CAPN11: variants seen among roughly 807,000 people sequenced by gnomAD.
CAPN11 encodes calpain-11.
Under a neutral mutation model 105.3 loss-of-function variants are expected in CAPN11, and 108 were observed. The ratio of observed to expected loss-of-function variants is 1.03; its 90% CI spans 0.88 to 1.20. CAPN11 has a LOEUF of 1.20. Among genes scored for constraint, CAPN11 ranks in the 50% most tolerant of loss-of-function variants. The pLI is 0.00. For missense variants in CAPN11, 883 were observed against 924.8 expected (o/e 0.95, Z 0.59); for synonymous variants, 329 against 344.5 (o/e 0.96, Z 0.50).
chr6:44,168,252 G>A (rs1052004928), intron 2 of CAPN11, among the ~76,000 whole-genome samples: 10 of 151,978 alleles, frequency 6.6e-5, no homozygotes, highest in Admixed American at 2.0e-4. Context: ...AAATAGAATC[G>A]CGCAATATGG....
rs1561849098 is a variant in CAPN11, at chr6:44,177,010, G to GC, written c.1237+12_1237+13insC. The GC allele has an allele frequency of 5.0e-6, 8 of 1,611,306 alleles. No homozygotes were observed. The highest frequency in any genetic ancestry group is 6.8e-6 in the Non-Finnish European group (8 of 1,179,178). On this transcript the variant is annotated intron_variant, in intron 11 of 22. Coordinates refer to ENST00000398776, the MANE Select transcript of CAPN11 (RefSeq NM_007058.4). ...CAGGAACCACCCTGGTGGGTGAGGG[G>GC]TGAGAGGGGAGGGGGTGTGCAGGGA...
At chr6:44,163,211 C>T (rs1769215365) in intron 1 of CAPN11, among the ~76,000 whole-genome samples, 1 of 152,186 alleles carries the variant, frequency 6.6e-6, no homozygotes, top group African/African-American at 2.4e-5. Context: ...AAACAACTTG[C>T]CCAAGGTCAC....
chr6:44,183,850 G>A lies in CAPN11; in HGVS notation c.2194-56G>A, dbSNP rs1379765126. On this transcript the variant is annotated intron_variant, in intron 22 of 22. Coordinates refer to ENST00000398776, the MANE Select transcript of CAPN11 (RefSeq NM_007058.4). ...CCCCACCCAGCTCTGATGTCCCCGG[G>A]CCAGCATCCTGCCCCCGTCTCTTCC... 6.4e-6 allele frequency: 10 copies of A among 1,572,994 alleles called. No homozygotes were observed. In the Admixed American group the frequency reaches 1.8e-4, roughly 29 times the overall value.
chr6:44,174,740 C>T (rs947802241), intron 7 of CAPN11, among the ~76,000 whole-genome samples: 1 of 151,438 alleles, frequency 6.6e-6, no homozygotes, highest in Non-Finnish European at 1.5e-5. Context: ...CTCCCTCACC[C>T]TCCTGAGTAG....
Position 44,176,944 on chromosome 6 carries a change from T to C in CAPN11, c.1183T>C (p.Tyr395His). The change falls in exon 11 of 23, where the codon TAC (tyrosine) becomes CAC (histidine). Residue 395 changes from tyrosine (Y) to histidine (H), a missense_variant. Physicochemically the swap from Tyr to His is moderately conservative, Grantham distance 83. Coordinates refer to ENST00000398776, the MANE Select transcript of CAPN11 (RefSeq NM_007058.4). ...DYKSYWHTTF[Y>H]EGSWRRGSSA... The stretch of plus-strand genomic sequence containing the variant: ...CAAGAGCTACTGGCACACCACCTTC[T>C]ACGAGGGCAGCTGGCGCAGAGGCAG... 1 of 1,613,818 alleles carries C rather than the reference T, an allele frequency of 6.2e-7. No individual in the cohort carries two copies. The highest frequency in any genetic ancestry group is 8.5e-7 in the Non-Finnish European group (1 of 1,179,850).
chr6:44,162,431 G>A (rs1769047908), intron 1 of CAPN11, among the ~76,000 whole-genome samples: 1 of 151,000 alleles, frequency 6.6e-6, no homozygotes, highest in Admixed American at 6.6e-5. Flanking sequence ...AGCCCGAGGG[G>A]GTGAGGGAGC....
chr6:44,158,991 C>G, intron 1 of CAPN11, 127 bp downstream of exon 1: 1 of 525,030 alleles, frequency 1.9e-6, no homozygotes, highest in Non-Finnish European at 3.0e-6. Context: ...ACTCTTCCAT[C>G]AGACTGGATG....
chr6:44,179,564 C>T (rs1349103383), intron 12 of CAPN11, 55 bp from the exon 13 acceptor site: 1 of 1,539,136 alleles, frequency 6.5e-7, no homozygotes, highest in East Asian at 2.2e-5. Context: ...CTTCTGAAGG[C>T]CTGAGGCCCT....
chr6:44,169,499 A>C lies in CAPN11; in HGVS notation c.307A>C (p.Asn103His). ...CAAGGACCTGGGCCCCAACTCCAAA[A>C]ATGTGCAGAACATCTCCTGGCAGCG... Reference protein sequence around the residue: ...GFKDLGPNSKNVQNISWQRPK... With the variant: ...GFKDLGPNSKHVQNISWQRPK... Residue 103 changes from asparagine (N) to histidine (H), a missense_variant, in exon 3 of 23, where the codon AAT (asparagine) becomes CAT (histidine). Physicochemically the swap from Asn to His is moderately conservative, Grantham distance 68. Transcript: ENST00000398776. The C allele has an allele frequency of 6.2e-7, 1 of 1,600,996 alleles. No homozygotes were observed. The highest frequency in any genetic ancestry group is 8.5e-7 in the Non-Finnish European group (1 of 1,174,034).
rs3813500 is a variant in CAPN11 at position 44,173,081 on chromosome 6, C to G, written c.662+8C>G. On this transcript the variant is annotated splice_region_variant and intron_variant, in intron 6 of 22. Transcript: ENST00000398776. ...GGAGAAGGCGTATGCCAAGTGAGTGCTGGGAGCTGAGGAAGGGGGCTTGCC... is the reference window on the plus strand; with the variant it reads ...GGAGAAGGCGTATGCCAAGTGAGTGGTGGGAGCTGAGGAAGGGGGCTTGCC... 0.41 allele frequency: 660,079 copies of G among 1,611,296 alleles called. 143,380 individuals carry two copies. The highest frequency in any genetic ancestry group is 0.45 in the Non-Finnish European group (532,375 of 1,178,080).
chr6:44,176,446 G>A, intron 9 of CAPN11, 108 bp downstream of exon 9: 3 of 1,289,702 alleles, frequency 2.3e-6, no homozygotes, highest in Non-Finnish European at 3.4e-6. Flanking sequence ...ACAGGGCAAA[G>A]CTCCTCCCTC....
intron 3 of CAPN11, 116 bp from the exon 4 acceptor site, chr6:44,169,790 C>G (rs1262076306): frequency 4.6e-6 from 4 of 870,938 alleles, no homozygotes; most frequent in Non-Finnish European, 7.4e-6. Flanking sequence ...CCTCTCCCTG[C>G]CCCTCATATC....
chr6:44,166,469 C>T (rs1769872383), intron 1 of CAPN11, among the ~76,000 whole-genome samples: 1 of 152,144 alleles, frequency 6.6e-6, no homozygotes, highest in African/African-American at 2.4e-5. Context: ...AGAGAAGGTG[C>T]TCAGTGCTGT....
At chr6:44,170,918 C>CTTT (rs1399472621) in intron 4 of CAPN11, among the ~76,000 whole-genome samples, 1 of 152,102 alleles carries the variant, frequency 6.6e-6, no homozygotes, top group East Asian at 1.9e-4. Flanking sequence ...GGGATAAAGC[C>CTTT]AGGGTGGGCT....
chr6:44,178,014 T>C (rs1202202413), intron 12 of CAPN11, among the ~76,000 whole-genome samples: 1 of 152,118 alleles, frequency 6.6e-6, no homozygotes, highest in Non-Finnish European at 1.5e-5. Flanking sequence ...ATTGTCCTGC[T>C]AGTTTTTTAA....
chr6:44,176,194 G>A (rs1364989396), intron 8 of CAPN11, 43 bp downstream of exon 8: 1 of 1,573,350 alleles, frequency 6.4e-7, no homozygotes, highest in East Asian at 2.3e-5. Context: ...ACCCTGAGAA[G>A]GAGGAGAACG....
intron 1 of CAPN11, among the ~76,000 whole-genome samples, chr6:44,164,316 TG>T (rs1769428299): frequency 6.6e-6 from 1 of 152,118 alleles, no homozygotes. Context: ...TATAGTATAT[TG>T]GGGTTGCTGC....
intron 2 of CAPN11, among the ~76,000 whole-genome samples, chr6:44,168,002 T>A (rs111432061): frequency 6.6e-6 from 1 of 151,354 alleles, no homozygotes. Flanking sequence ...CCAGCCAACA[T>A]GGCAAGACTC....
At chr6:44,170,971 G>T (rs761574549) in intron 4 of CAPN11, among the ~76,000 whole-genome samples, 1 of 152,196 alleles carries the variant, frequency 6.6e-6, no homozygotes, top group Non-Finnish European at 1.5e-5. Flanking sequence ...AGAAAAAAGG[G>T]CAAGGTGTGG....
Sources: allele counts gnomAD v4.1 joint callset (sites outside exome capture counted in the v4.1 genomes callset), GRCh38; gene constraint gnomAD v4.1.1; transcripts MANE v1.5; gene names NCBI Gene and HGNC (gene_info 2026-07-23, HGNC 2026-07-21).